CNTN5: variants seen among roughly 807,000 people sequenced by gnomAD.
The protein encoded by CNTN5 is contactin 5, also known as contactin-5.
A neutral mutation model predicts 129.1 loss-of-function variants in CNTN5; 77 were observed. That is an observed-to-expected ratio of 0.60 (90% confidence interval 0.50 to 0.72). The LOEUF (loss-of-function observed/expected upper bound fraction) is 0.72. Ranked by LOEUF, CNTN5 falls within the 30% of genes least tolerant of loss-of-function variation. The probability of loss-of-function intolerance (pLI) is 0.00; values close to 1 mark genes in which losing one functional copy is unlikely to be tolerated. For synonymous variants in CNTN5, 509 were observed against 465.6 expected (o/e 1.09, Z -1.20); for missense variants, 1,478 against 1,328.8 (o/e 1.11, Z -1.75).
chr11:99,914,690 C>A (rs1241147091), intron 6 of CNTN5, among the ~76,000 whole-genome samples: 1 of 152,046 alleles, frequency 6.6e-6, no homozygotes, highest in Non-Finnish European at 1.5e-5. Context: ...TATAAAGAAA[C>A]ATTGAATTTT....
chr11:99,620,511 T>TTC (rs201162890), intron 3 of CNTN5, among the ~76,000 whole-genome samples: 28,706 of 133,294 alleles, frequency 0.22, 2,970 homozygotes, highest in East Asian at 0.37. Flanking sequence ...TTCTTTTCTT[T>TTC]TTTTTTTTTT....
chr11:99,227,040 T>A (rs1860724099), intron 1 of CNTN5, among the ~76,000 whole-genome samples: 1 of 152,116 alleles, frequency 6.6e-6, no homozygotes, highest in African/African-American at 2.4e-5. Context: ...AGATGTTAGT[T>A]CTCTTACTGC....
At chr11:99,669,441 G>GGT (rs767426378) in intron 3 of CNTN5, among the ~76,000 whole-genome samples, 17,755 of 105,826 alleles carry the variant, frequency 0.17, 1,116 homozygotes, top group East Asian at 0.31. Context: ...TATTAAATAT[G>GGT]GTGTGTGTGT....
chr11:99,564,127 G>T (rs1199286734), intron 3 of CNTN5, among the ~76,000 whole-genome samples: 8 of 152,066 alleles, frequency 5.3e-5, no homozygotes, highest in Non-Finnish European at 1.0e-4. Context: ...TGTCACCCAA[G>T]CTAGAGTGCA....
At chr11:99,507,424 C>T (rs1946669189) in intron 2 of CNTN5, among the ~76,000 whole-genome samples, 1 of 150,806 alleles carries the variant, frequency 6.6e-6, no homozygotes, top group African/African-American at 2.4e-5. Flanking sequence ...ATAGTCATCC[C>T]ATTAAATATA....
chr11:99,615,205 T>C (rs942555306), intron 3 of CNTN5, among the ~76,000 whole-genome samples: 2 of 151,806 alleles, frequency 1.3e-5, no homozygotes, highest in Admixed American at 6.6e-5. Flanking sequence ...TTGAAACTAC[T>C]ACTTATATTT....
chr11:100,178,899 C>G (rs143574602), intron 13 of CNTN5, among the ~76,000 whole-genome samples: 172 of 152,282 alleles, frequency 1.1e-3, no homozygotes, highest in Admixed American at 2.7e-3. Flanking sequence ...TTCAACGTCA[C>G]TTGCTGAAGG....
chr11:99,379,858 G>C (rs187865022), intron 2 of CNTN5, among the ~76,000 whole-genome samples: 1 of 152,138 alleles, frequency 6.6e-6, no homozygotes, highest in East Asian at 1.9e-4. Context: ...ACTTTGGGAG[G>C]CTGAGGCATA....
chr11:99,968,377 A>G (rs1028541109), intron 8 of CNTN5, among the ~76,000 whole-genome samples: 1 of 152,300 alleles, frequency 6.6e-6, no homozygotes, highest in Middle Eastern at 3.4e-3. Flanking sequence ...TTTTTAATTA[A>G]TGAACTACAG....
chr11:99,324,954 TA>T (rs1865721190), intron 1 of CNTN5, among the ~76,000 whole-genome samples: 1 of 152,144 alleles, frequency 6.6e-6, no homozygotes, highest in South Asian at 2.1e-4. Flanking sequence ...AATTCTTAAA[TA>T]AAATAAATAA....
intron 2 of CNTN5, among the ~76,000 whole-genome samples, chr11:99,475,125 A>T (rs953842776): frequency 6.6e-6 from 1 of 151,966 alleles, no homozygotes; most frequent in African/African-American, 2.4e-5. Context: ...ACCATGTAAG[A>T]TCCACCCTCA....
At chr11:99,555,534 T>C (rs1409579417) in intron 2 of CNTN5, among the ~76,000 whole-genome samples, 4 of 151,982 alleles carry the variant, frequency 2.6e-5, no homozygotes, top group Non-Finnish European at 4.4e-5. Flanking sequence ...TAAATATTCA[T>C]GAAAATCCTT....
chr11:99,747,349 A>G (rs1167209512), intron 3 of CNTN5, among the ~76,000 whole-genome samples: 1 of 152,012 alleles, frequency 6.6e-6, no homozygotes, highest in Non-Finnish European at 1.5e-5. Context: ...AGATAAAGTA[A>G]TCTGTAAACA....
chr11:99,376,086 T>A (rs1395095928), intron 2 of CNTN5, among the ~76,000 whole-genome samples: 1 of 152,132 alleles, frequency 6.6e-6, no homozygotes. Flanking sequence ...AGAGATAGTT[T>A]CAGCGAGGTA....
intron 1 of CNTN5, among the ~76,000 whole-genome samples, chr11:99,247,537 T>G (rs982406711): frequency 2.0e-5 from 3 of 152,076 alleles, no homozygotes; most frequent in African/African-American, 7.2e-5. Context: ...TGTATACATG[T>G]GCCATGTTGT....
intron 1 of CNTN5, among the ~76,000 whole-genome samples, chr11:99,168,163 C>T (rs550163588): frequency 8.9e-4 from 136 of 152,200 alleles, no homozygotes; most frequent in South Asian, 1.5e-3. Context: ...AGGCAGGTTT[C>T]GAACTCCTGG....
intron 3 of CNTN5, among the ~76,000 whole-genome samples, chr11:99,608,014 T>G (rs1419587462): frequency 7.2e-6 from 1 of 139,298 alleles, no homozygotes; most frequent in Non-Finnish European, 1.5e-5. Context: ...GACACATTAG[T>G]GGGTGCAGCG....
intron 1 of CNTN5, among the ~76,000 whole-genome samples, chr11:99,034,563 G>T (rs1181083018): frequency 6.6e-6 from 1 of 151,570 alleles, no homozygotes; most frequent in Non-Finnish European, 1.5e-5. Context: ...GCGTAGAGGT[G>T]TTTGTAGTAT....
chr11:99,812,854 A>G (rs370754275), intron 3 of CNTN5, among the ~76,000 whole-genome samples: 74 of 152,242 alleles, frequency 4.9e-4, no homozygotes, highest in Admixed American at 1.0e-3. Context: ...GTAAGAATAC[A>G]AGATGTTGGC....
Sources: allele counts gnomAD v4.1 joint callset (sites outside exome capture counted in the v4.1 genomes callset), GRCh38; gene constraint gnomAD v4.1.1; transcripts MANE v1.5; gene names NCBI Gene and HGNC (gene_info 2026-07-23, HGNC 2026-07-21).